PCDHA11: variants seen among roughly 807,000 people sequenced by gnomAD.
PCDHA11 encodes protocadherin alpha 11.
In PCDHA11, 61 loss-of-function variants were observed where a neutral mutation model predicts 70.3. The observed-to-expected ratio is 0.87, with a 90% CI of 0.71 to 1.07. The LOEUF (loss-of-function observed/expected upper bound fraction) is 1.07. Ranked by LOEUF, PCDHA11 falls within the 50% of genes least tolerant of loss-of-function variation. PCDHA11 has a pLI of 0.00. For missense variants in PCDHA11, 1,324 were observed against 1,237.5 expected (o/e 1.07, Z -1.05); for synonymous variants, 633 against 555.1 (o/e 1.14, Z -1.97).
chr5:140,976,888 A>G (rs1050816491), intron 1 of PCDHA11, among the ~76,000 whole-genome samples: 1 of 152,218 alleles, frequency 6.6e-6, no homozygotes, highest in African/African-American at 2.4e-5. Context: ...ATTAGGATAC[A>G]TGCAACAGTA....
rs575381539 is a variant in PCDHA11, at chr5:140,952,919, T to TGAGCAG, written c.2392-26018_2392-26013dup. On this transcript the variant is annotated intron_variant, in intron 1 of 3. Coordinates refer to ENST00000398640, the MANE Select transcript of PCDHA11 (RefSeq NM_018902.5). ...GGAATCAAGCTCATCTTACATGGCA[T>TGAGCAG]GAGCAGGAGCAGGAGCAAGAGAGAG... 2.3e-3 allele frequency among the ~76,000 whole-genome samples: 343 copies of TGAGCAG among 152,172 alleles called. 1 individual carries two copies. Among genetic ancestry groups the TGAGCAG allele is most frequent in the African/African-American group, 7.9e-3 (326 of 41,516 alleles).
intron 1 of PCDHA11, among the ~76,000 whole-genome samples, chr5:140,948,853 C>T (rs1385628610): frequency 6.6e-6 from 1 of 151,298 alleles, no homozygotes; most frequent in Non-Finnish European, 1.5e-5. Context: ...TATTTGCCTT[C>T]TTATATTACT....
intron 3 of PCDHA11, among the ~76,000 whole-genome samples, chr5:140,992,953 C>G (rs1377524442): frequency 5.9e-5 from 9 of 152,172 alleles, no homozygotes; most frequent in African/African-American, 2.2e-4. Flanking sequence ...ATTAAATCAC[C>G]CCTTATACTG....
chr5:140,969,128 A>T (rs140518271), intron 1 of PCDHA11: 11 of 1,614,040 alleles, frequency 6.8e-6, no homozygotes, highest in Non-Finnish European at 9.3e-6. Context: ...TGGCTCCCTC[A>T]CCAAGACCTA....
intron 1 of PCDHA11, among the ~76,000 whole-genome samples, chr5:140,937,039 C>CT (rs34994034): frequency 0.49 from 69,094 of 140,108 alleles, 17,193 homozygotes; most frequent in East Asian, 0.59. Flanking sequence ...TTCCATTTAT[C>CT]TTTTTTTTTT....
chr5:140,955,359 C>A (rs1390938554), intron 1 of PCDHA11, among the ~76,000 whole-genome samples: 1 of 151,992 alleles, frequency 6.6e-6, no homozygotes, highest in African/African-American at 2.4e-5. Context: ...TGAGAGGGAC[C>A]CAGTGGGAGG....
chr5:141,009,060 G>C (rs1192687086), intron 3 of PCDHA11, among the ~76,000 whole-genome samples: 4 of 152,176 alleles, frequency 2.6e-5, no homozygotes, highest in Non-Finnish European at 5.9e-5. Context: ...AATCACAACT[G>C]TATTCTTTAG....
In PCDHA11 at chr5:140,882,341, G is replaced by A. The variant is rs782271839; in HGVS notation, c.2391+10847G>A. 5.6e-6 allele frequency: 9 copies of A among 1,614,058 alleles called. No individual in the cohort carries two copies. The Admixed American group carries it at 1.3e-4, about 24-fold the overall frequency. ...CTGGCTTCTGATCCTCGCAGCCTGGGAGACGGGTAGTGGCCAGCTCCACTA... is the reference window on the plus strand; with the variant it reads ...CTGGCTTCTGATCCTCGCAGCCTGGAAGACGGGTAGTGGCCAGCTCCACTA... On this transcript the variant is annotated intron_variant, in intron 1 of 3. Coordinates refer to ENST00000398640, the MANE Select transcript of PCDHA11 (RefSeq NM_018902.5).
At chr5:140,935,264 A>G (rs756476804) in intron 1 of PCDHA11, among the ~76,000 whole-genome samples, 3 of 152,196 alleles carry the variant, frequency 2.0e-5, no homozygotes, top group African/African-American at 7.2e-5. Context: ...TCACATGTTT[A>G]TACTAATCTA....
chr5:140,920,054 C>A (rs1332238212), intron 1 of PCDHA11, among the ~76,000 whole-genome samples: 1 of 152,150 alleles, frequency 6.6e-6, no homozygotes, highest in Non-Finnish European at 1.5e-5. Context: ...CAGCCACCAA[C>A]ACCTGGAAAA....
intron 3 of PCDHA11, among the ~76,000 whole-genome samples, chr5:140,984,769 C>T (rs145432187): frequency 1.3e-5 from 2 of 152,194 alleles, no homozygotes; most frequent in African/African-American, 2.4e-5. Context: ...TAATCCCAAG[C>T]TTACTTGCTG....
intron 1 of PCDHA11, chr5:140,884,795 T>C: frequency 7.8e-7 from 1 of 1,280,270 alleles, no homozygotes; most frequent in South Asian, 1.7e-5. Context: ...TGTTATCGAA[T>C]TTAACAACTC....
At chr5:140,967,731 G>T in intron 1 of PCDHA11, 1 of 1,614,164 alleles carries the variant, frequency 6.2e-7, no homozygotes, top group African/African-American at 1.3e-5. Context: ...GTAATTGGGG[G>T]GCTGGATTAT....
intron 1 of PCDHA11, among the ~76,000 whole-genome samples, chr5:140,898,520 G>A (rs1583310662): frequency 6.6e-6 from 1 of 152,298 alleles, no homozygotes; most frequent in East Asian, 1.9e-4. Context: ...CGTTATTTCT[G>A]AGGGCTCTGT....
At chr5:140,923,714 A>G (rs1396629400) in intron 1 of PCDHA11, among the ~76,000 whole-genome samples, 7 of 152,250 alleles carry the variant, frequency 4.6e-5, no homozygotes, top group African/African-American at 1.4e-4. Context: ...TACTTGAATA[A>G]GAATGCAATG....
At chr5:140,877,153 A>C in intron 1 of PCDHA11, 1 of 1,613,798 alleles carries the variant, frequency 6.2e-7, no homozygotes, top group Non-Finnish European at 8.5e-7. Flanking sequence ...CGAGAACGAC[A>C]ACGCGCCGGC....
chr5:140,963,850 A>T (rs2095793640), intron 1 of PCDHA11, among the ~76,000 whole-genome samples: 1 of 152,244 alleles, frequency 6.6e-6, no homozygotes. Flanking sequence ...TAATCATAAT[A>T]ATAACCGTAT....
At position 141,005,728 on chromosome 5, in the gene PCDHA11, A is replaced by T. The variant is rs574255915; in HGVS notation, c.2540-3899A>T. On this transcript the variant is annotated intron_variant, in intron 3 of 3. Coordinates refer to ENST00000398640, the MANE Select transcript of PCDHA11 (RefSeq NM_018902.5). ...AAAAAAAAAAAAAAAAAAAAAAAAA[A>T]AAAGAATGGATGAGAAATCATTCAA... Among the ~76,000 whole-genome samples the T allele has an allele frequency of 1.3e-4, 19 of 150,362 alleles. No homozygotes were observed. The South Asian group carries it at 1.7e-3, about 13-fold the overall frequency.
chr5:140,966,355 G>C (rs2095993623), intron 1 of PCDHA11: 1 of 400,198 alleles, frequency 2.5e-6, no homozygotes, highest in Non-Finnish European at 4.4e-6. Context: ...AGGAGATGGG[G>C]CTGGAGAGGC....
Sources: gnomAD v4.1 joint callset for allele counts (sites outside exome capture counted in the v4.1 genomes callset) on GRCh38, gnomAD v4.1.1 for gene constraint, MANE v1.5 for transcripts, NCBI Gene and HGNC (gene_info 2026-07-23, HGNC 2026-07-21) for gene names.